DCP2: variants seen among roughly 807,000 people sequenced by gnomAD.
The protein encoded by DCP2 is m7GpppN-mRNA hydrolase.
A neutral mutation model predicts 56.1 loss-of-function variants in DCP2; 30 were observed. The ratio of observed to expected loss-of-function variants is 0.53; its 90% CI spans 0.40 to 0.73. The LOEUF (loss-of-function observed/expected upper bound fraction) is 0.73. DCP2 is among the 30% of genes least tolerant of loss of function. DCP2 has a pLI of 0.00. For missense variants in DCP2, 533 were observed against 502.7 expected (o/e 1.06, Z -0.58); for synonymous variants, 197 against 163.3 (o/e 1.21, Z -1.57).
Position 113,015,618 on chromosome 5 carries a change from G to C in DCP2, c.*2134G>C, listed in dbSNP as rs1749854312. The C allele has an allele frequency of 6.5e-6, 1 of 152,724 alleles. No homozygotes were observed. The highest frequency in any genetic ancestry group is 2.1e-4 in the South Asian group (1 of 4,828). 9.5% of individuals were successfully genotyped at this position (152,724 alleles called of 1,614,324 possible). ...AAATATAAGGGTACTGTTGGGGTGTGATTATGATAACTTCAGGCTTTTAGC... is the reference window on the plus strand; with the variant it reads ...AAATATAAGGGTACTGTTGGGGTGTCATTATGATAACTTCAGGCTTTTAGC... On this transcript the variant is annotated 3_prime_UTR_variant, in exon 11 of 11. Coordinates refer to ENST00000389063, the MANE Select transcript of DCP2 (RefSeq NM_152624.6).
intron 3 of DCP2, 83 bp from the exon 4 acceptor site, chr5:112,992,585 CAAGT>C: frequency 4.1e-6 from 4 of 968,374 alleles, no homozygotes; most frequent in Admixed American, 2.9e-5. Context: ...ACAGTTACCT[CAAGT>C]AAGGAGAAAA....
At chr5:112,977,553 T>C (rs1021011917) in intron 1 of DCP2, among the ~76,000 whole-genome samples, 5 of 152,224 alleles carry the variant, frequency 3.3e-5, no homozygotes, top group African/African-American at 1.2e-4. Context: ...TTCTCATCCC[T>C]GGACTTGTCT....
In DCP2 at chr5:112,986,623, C is replaced by A. The variant is rs572805135; in HGVS notation, c.205+637C>A. ...AAAGTGCTGGGATTAGAGGTGTGAGCCGCTGTGCCCAGTGACATTTATTAA... is the reference window on the plus strand; with the variant it reads ...AAAGTGCTGGGATTAGAGGTGTGAGACGCTGTGCCCAGTGACATTTATTAA... On this transcript the variant is annotated intron_variant, in intron 2 of 10. Transcript: ENST00000389063. Among the ~76,000 whole-genome samples the A allele has an allele frequency of 2.0e-5, 3 of 152,180 alleles. No individual in the cohort carries two copies. The South Asian group carries it at 6.2e-4, about 32-fold the overall frequency.
At chr5:113,006,890 C>T (rs1319581032) in intron 8 of DCP2, among the ~76,000 whole-genome samples, 5 of 152,060 alleles carry the variant, frequency 3.3e-5, no homozygotes, top group African/African-American at 9.7e-5. Flanking sequence ...TCTAGCTCTT[C>T]GGGAGGCCAA....
chr5:112,998,046 G>A (rs941323486), intron 4 of DCP2, among the ~76,000 whole-genome samples: 18 of 152,244 alleles, frequency 1.2e-4, no homozygotes, highest in Admixed American at 1.0e-3. Context: ...CACAGGAGGT[G>A]TGGTATAAAA....
chr5:112,978,066 C>T (rs1747804297), intron 1 of DCP2, among the ~76,000 whole-genome samples: 1 of 152,044 alleles, frequency 6.6e-6, no homozygotes, highest in South Asian at 2.1e-4. Context: ...CAACCTCTGC[C>T]TTCCGGATTC....
intron 1 of DCP2, chr5:112,984,205 G>C (rs1199214852): frequency 6.6e-6 from 1 of 151,988 alleles, no homozygotes; most frequent in Non-Finnish European, 1.5e-5. Flanking sequence ...CTGAATTGTG[G>C]GGAAAAAAAA....
intron 9 of DCP2, 33 bp from the exon 10 acceptor site, chr5:113,010,723 G>T (rs1408057264): frequency 7.0e-7 from 1 of 1,426,354 alleles, no homozygotes; most frequent in African/African-American, 2.0e-5. Context: ...TGTTGTATGT[G>T]TGTGTGTGTG....
intron 4 of DCP2, among the ~76,000 whole-genome samples, chr5:112,997,757 G>GGC (rs1226448422): frequency 6.6e-6 from 1 of 151,858 alleles, no homozygotes; most frequent in Non-Finnish European, 1.5e-5. Flanking sequence ...TGGGATTACA[G>GGC]GCGCACGCCA....
At chr5:112,980,363 AAAT>A (rs1178936720) in intron 1 of DCP2, among the ~76,000 whole-genome samples, 2 of 152,196 alleles carry the variant, frequency 1.3e-5, no homozygotes, top group African/African-American at 4.8e-5. Context: ...TAGGTTAATT[AAAT>A]AATTTGTGCT....
rs963817763 is a variant in DCP2 at position 113,016,597 on chromosome 5, A to G, written c.*3113A>G. ...GTCAAATAAAAGGAATTCAAATCTG[A>G]GTAAATAACAGCCTCCTACTATAGG... On this transcript the variant is annotated 3_prime_UTR_variant, in exon 11 of 11. Transcript: ENST00000389063. 1 of 152,230 alleles carries G rather than the reference A, an allele frequency of 6.6e-6. No homozygotes were observed. The highest frequency in any genetic ancestry group is 1.5e-5 in the Non-Finnish European group (1 of 68,034). 9.4% of individuals were successfully genotyped at this position (152,230 alleles called of 1,614,324 possible).
At chr5:112,977,640 A>G (rs1747780903) in intron 1 of DCP2, among the ~76,000 whole-genome samples, 1 of 151,948 alleles carries the variant, frequency 6.6e-6, no homozygotes, top group Non-Finnish European at 1.5e-5. Flanking sequence ...GAAATTCTCA[A>G]CCGCGGGGTT....
At position 112,989,653 on chromosome 5, in the gene DCP2, G is replaced by T. The variant is rs114429641; in HGVS notation, c.206-2468G>T. 7.5e-3 allele frequency among the ~76,000 whole-genome samples: 1,146 copies of T among 152,094 alleles called. 12 individuals carry two copies. Among genetic ancestry groups the T allele is most frequent in the African/African-American group, 0.027 (1,108 of 41,510 alleles). On this transcript the variant is annotated intron_variant, in intron 2 of 10. Coordinates refer to ENST00000389063, the MANE Select transcript of DCP2 (RefSeq NM_152624.6). ...AAACTTATTTTGGGAAAAAACTTTCGGAGATGGCCAAAGAACATGACAACT... is the reference window on the plus strand; with the variant it reads ...AAACTTATTTTGGGAAAAAACTTTCTGAGATGGCCAAAGAACATGACAACT...
chr5:112,990,513 G>A (rs1748530526), intron 2 of DCP2, among the ~76,000 whole-genome samples: 1 of 152,104 alleles, frequency 6.6e-6, no homozygotes, highest in South Asian at 2.1e-4. Context: ...AGAGCTTCAT[G>A]GAATGGTTAA....
intron 8 of DCP2, among the ~76,000 whole-genome samples, chr5:113,004,750 C>T (rs1020119186): frequency 6.6e-6 from 1 of 151,504 alleles, no homozygotes; most frequent in Non-Finnish European, 1.5e-5. Flanking sequence ...GAGTTCTAAT[C>T]GTTGCACATC....
rs556794668 is a variant in DCP2 at position 113,007,100 on chromosome 5, C to T, written c.943-838C>T. On this transcript the variant is annotated intron_variant, in intron 8 of 10. Coordinates refer to ENST00000389063, the MANE Select transcript of DCP2 (RefSeq NM_152624.6). ...TTGCAGAGAGCCAAGCACTGTGCTCCGGCCTGGGCAACAAAGTGAGACTCC... is the reference window on the plus strand; with the variant it reads ...TTGCAGAGAGCCAAGCACTGTGCTCTGGCCTGGGCAACAAAGTGAGACTCC... Among the ~76,000 whole-genome samples, 18 of 151,778 alleles carry T rather than the reference C, an allele frequency of 1.2e-4. No homozygotes were observed. The South Asian group carries it at 2.9e-3, about 25-fold the overall frequency.
At chr5:112,983,797 C>T (rs1253750388) in intron 1 of DCP2, among the ~76,000 whole-genome samples, 1 of 152,192 alleles carries the variant, frequency 6.6e-6, no homozygotes, top group East Asian at 1.9e-4. Flanking sequence ...TGGCTTCGAT[C>T]TTCTCAATAT....
intron 9 of DCP2, among the ~76,000 whole-genome samples, chr5:113,009,328 CAG>C (rs971770018): frequency 9.9e-5 from 15 of 152,178 alleles, no homozygotes; most frequent in African/African-American, 2.7e-4. Context: ...AAGTTAATGA[CAG>C]AGAGCAAGTA....
chr5:112,995,634 C>G (rs969143516), intron 4 of DCP2, among the ~76,000 whole-genome samples: 4 of 152,180 alleles, frequency 2.6e-5, no homozygotes, highest in African/African-American at 9.7e-5. Flanking sequence ...AATAAAAATT[C>G]TAACCTCTAA....
Sources: gnomAD v4.1 joint callset for allele counts (sites outside exome capture counted in the v4.1 genomes callset) on GRCh38, gnomAD v4.1.1 for gene constraint, MANE v1.5 for transcripts, NCBI Gene and HGNC (gene_info 2026-07-23, HGNC 2026-07-21) for gene names.